PSMB2: variants seen among roughly 807,000 people sequenced by gnomAD.
PSMB2 encodes proteasome 20S subunit beta 2, also known as proteasome subunit beta type-2.
PSMB2 carries 13 observed loss-of-function variants against 25.7 expected under a neutral mutation model. That is an observed-to-expected ratio of 0.51 (90% CI 0.33 to 0.80). The LOEUF (loss-of-function observed/expected upper bound fraction) is 0.80. PSMB2 is among the 30% of genes least tolerant of loss of function. PSMB2 has a pLI of 0.02. For synonymous variants in PSMB2, 87 were observed against 96.2 expected, an observed-to-expected ratio of 0.90 and a Z score of 0.56; for missense variants, 202 against 259.0, an observed-to-expected ratio of 0.78 and a Z score of 1.51.
At position 35,636,387 on chromosome 1, in the gene PSMB2, C is replaced by T. The variant is rs1396322256; in HGVS notation, c.137G>A (p.Cys46Tyr). Reference sequence around the variant, plus strand: ...TACAGTGTCTCCAGCCTCTCCAACACACAGGAGTAATATCTTTTCACTCAT... The same window carrying T: ...TACAGTGTCTCCAGCCTCTCCAACATACAGGAGTAATATCTTTTCACTCAT... ...FKMSEKILLL[C>Y]VGEAGDTVQF... The change falls in exon 2 of 6, where the codon TGT becomes TAT. Residue 46 changes from cysteine (C) to tyrosine (Y), a missense_variant. Physicochemically the swap from Cys to Tyr is radical, Grantham distance 194 (BLOSUM62 -2). Coordinates refer to ENST00000373237, the MANE Select transcript of PSMB2 (RefSeq NM_002794.5). 1.9e-6 allele frequency: 3 copies of T among 1,614,012 alleles called. No individual in the cohort carries two copies. The highest frequency in any genetic ancestry group is 1.7e-6 in the Non-Finnish European group (2 of 1,179,906).
Position 35,601,972 on chromosome 1 carries a change from CTA to C in PSMB2, c.*1293_*1294del. 1.1e-6 allele frequency: 1 copy of C among 898,416 alleles called. No individual in the cohort carries two copies. Among genetic ancestry groups the C allele is most frequent in the Non-Finnish European group, 1.3e-6 (1 of 750,856 alleles). The allele number at this position is 898,416 out of a possible 1,614,324, so 55.7% of individuals were successfully genotyped here. ...CAACTGTCAACAAGAATAAGCATAT[CTA>C]TATGTATTGATATAAAACAATCTCT... On this transcript the variant is annotated 3_prime_UTR_variant, in exon 6 of 6. Transcript: ENST00000373237.
chr1:35,627,472 T>C (rs768293655), intron 3 of PSMB2, among the ~76,000 whole-genome samples: 1 of 151,772 alleles, frequency 6.6e-6, no homozygotes, highest in Non-Finnish European at 1.5e-5. Context: ...CCTGGCAACA[T>C]GGAGAAACCC....
At chr1:35,633,831 G>C (rs1651169150) in intron 2 of PSMB2, among the ~76,000 whole-genome samples, 1 of 152,232 alleles carries the variant, frequency 6.6e-6, no homozygotes, top group Non-Finnish European at 1.5e-5. Context: ...AGTATTTATG[G>C]AATTGAATAC....
At chr1:35,615,584 C>T (rs1412268784) in intron 3 of PSMB2, among the ~76,000 whole-genome samples, 5 of 152,164 alleles carry the variant, frequency 3.3e-5, no homozygotes, top group African/African-American at 4.8e-5. Flanking sequence ...AGAGTCTGAG[C>T]GGTGACAAGC....
chr1:35,603,250 G>A lies in PSMB2; in HGVS notation c.*17C>T, dbSNP rs756443407. 8.1e-6 allele frequency: 13 copies of A among 1,610,996 alleles called. No individual in the cohort carries two copies. The highest frequency in any genetic ancestry group is 2.2e-5 in the South Asian group (2 of 90,130). On this transcript the variant is annotated 3_prime_UTR_variant, in exon 6 of 6. Transcript: ENST00000373237. The stretch of plus-strand genomic sequence containing the variant: ...TCAAAAAAAAGTTCCCTGGCAAGTG[G>A]GAGGGAGGACATGATGTTAGGAGCC...
chr1:35,630,060 A>T (rs532594396), intron 3 of PSMB2, among the ~76,000 whole-genome samples: 11 of 152,284 alleles, frequency 7.2e-5, no homozygotes, highest in African/African-American at 2.4e-4. Flanking sequence ...CTGTAATCCC[A>T]GCTACTTGGG....
chr1:35,600,867 T>TAA lies in PSMB2; in HGVS notation c.*2399_*2400insTT. The TAA allele has an allele frequency of 1.0e-6, 1 of 985,328 alleles. No individual in the cohort carries two copies. Among genetic ancestry groups the TAA allele is most frequent in the South Asian group, 4.7e-5 (1 of 21,286 alleles). The allele number at this position is 985,328 out of a possible 1,614,324, so 61.0% of individuals were successfully genotyped here. A position where few individuals can be genotyped will look rare whatever the true frequency, so the allele number is the denominator to read the frequency against. On this transcript the variant is annotated 3_prime_UTR_variant, in exon 6 of 6. Coordinates refer to ENST00000373237, the MANE Select transcript of PSMB2 (RefSeq NM_002794.5). ...ACAAGTTTACCAATCATTATACACT[T>TAA]ACTGAGCACTTACCACATGCCAAGC...
chr1:35,629,079 C>T (rs1430392729), intron 3 of PSMB2, among the ~76,000 whole-genome samples: 1 of 152,136 alleles, frequency 6.6e-6, no homozygotes, highest in African/African-American at 2.4e-5. Flanking sequence ...ATGCCTTTCA[C>T]TTCATCTCAG....
At chr1:35,632,067 GA>G (rs1332007192) in intron 2 of PSMB2, among the ~76,000 whole-genome samples, 9 of 152,080 alleles carry the variant, frequency 5.9e-5, no homozygotes, top group Admixed American at 5.2e-4. Context: ...AGAGAGGCTA[GA>G]AGTTAGGACT....
intron 3 of PSMB2, among the ~76,000 whole-genome samples, chr1:35,624,111 CTGCTGGAAAT>C (rs570488008): frequency 2.6e-5 from 4 of 152,180 alleles, no homozygotes; most frequent in Non-Finnish European, 5.9e-5. Context: ...GCTTTGGTCA[CTGCTGGAAAT>C]GACTAAGACC....
chr1:35,636,759 T>C (rs2148579048), intron 1 of PSMB2, among the ~76,000 whole-genome samples: 1 of 152,300 alleles, frequency 6.6e-6, no homozygotes, highest in African/African-American at 2.4e-5. Context: ...AGTACCTGCA[T>C]AGGTAATATG....
rs1372864189 is a variant in PSMB2, at chr1:35,602,169, A to C, written c.*1098T>G. On this transcript the variant is annotated 3_prime_UTR_variant, in exon 6 of 6. Coordinates refer to ENST00000373237, the MANE Select transcript of PSMB2 (RefSeq NM_002794.5). ...GACATGGTGAGACCCTGTCTCTATG[A>C]AAAACACAAAAACTAGCTGGGCATT... 6.5e-6 allele frequency: 1 copy of C among 153,482 alleles called. No individual in the cohort carries two copies. Among genetic ancestry groups the C allele is most frequent in the Non-Finnish European group, 1.4e-5 (1 of 69,368 alleles). 9.5% of individuals were successfully genotyped at this position (153,482 alleles called of 1,614,324 possible).
intron 1 of PSMB2, among the ~76,000 whole-genome samples, chr1:35,637,255 CTG>C (rs1318917417): frequency 2.6e-5 from 4 of 152,254 alleles, no homozygotes; most frequent in African/African-American, 9.6e-5. Flanking sequence ...AGAAAATCAA[CTG>C]AGAATATTAA....
chr1:35,604,728 T>C (rs1650109992), intron 5 of PSMB2, among the ~76,000 whole-genome samples: 1 of 152,108 alleles, frequency 6.6e-6, no homozygotes, highest in South Asian at 2.1e-4. Flanking sequence ...TGCAGTGAGC[T>C]GAAATCGTGC....
At chr1:35,613,900 A>T (rs1435112653) in intron 3 of PSMB2, among the ~76,000 whole-genome samples, 2 of 152,374 alleles carry the variant, frequency 1.3e-5, no homozygotes, top group East Asian at 1.9e-4. Flanking sequence ...GCATGTGGAT[A>T]ATAAGTGTAA....
intron 3 of PSMB2, among the ~76,000 whole-genome samples, chr1:35,611,780 T>C (rs1650350587): frequency 6.6e-6 from 1 of 151,700 alleles, no homozygotes; most frequent in South Asian, 2.1e-4. Flanking sequence ...GCCGAGATAG[T>C]GCTACTGCAC....
At chr1:35,631,439 C>T in intron 2 of PSMB2, 95 bp from the exon 3 acceptor site, 1 of 1,568,418 alleles carries the variant, frequency 6.4e-7, no homozygotes, top group South Asian at 1.2e-5. Context: ...AGCCCACCAT[C>T]TTTTGTACAC....
intron 1 of PSMB2, 111 bp from the exon 2 acceptor site, chr1:35,636,543 A>G (rs1651249248): frequency 1.6e-6 from 2 of 1,232,668 alleles, no homozygotes; most frequent in Admixed American, 2.6e-5. Context: ...TTCCATATAC[A>G]TGGATTCTGA....
At chr1:35,634,066 G>A (rs1394203863) in intron 2 of PSMB2, among the ~76,000 whole-genome samples, 7 of 152,152 alleles carry the variant, frequency 4.6e-5, no homozygotes, top group African/African-American at 1.7e-4. Flanking sequence ...TGCTAGGGAG[G>A]TTTTCCCAGT....
Sources: gnomAD v4.1 joint callset for allele counts (sites outside exome capture counted in the v4.1 genomes callset) on GRCh38, gnomAD v4.1.1 for gene constraint, MANE v1.5 for transcripts, NCBI Gene and HGNC (gene_info 2026-07-23, HGNC 2026-07-21) for gene names.